Variants in HS6ST2 observed in about 807,000 individuals in gnomAD.
HS6ST2 encodes the protein heparan-sulfate 6-O-sulfotransferase 2.
A neutral mutation model predicts 33.0 loss-of-function variants in HS6ST2; 17 were observed. The ratio of observed to expected loss-of-function variants is 0.52; its 90% CI spans 0.35 to 0.77. HS6ST2 has a LOEUF of 0.77. Among genes scored for constraint, HS6ST2 ranks in the 30% least tolerant of loss-of-function variants. The pLI is 0.01. For missense variants in HS6ST2, 519 were observed against 551.7 expected (o/e 0.94, Z 0.59); for synonymous variants, 248 against 237.1 (o/e 1.05, Z -0.42).
intron 3 of HS6ST2, among the ~76,000 whole-genome samples, chrX:132,706,354 A>G (rs2064189132): frequency 8.9e-6 from 1 of 112,246 alleles, no homozygotes; most frequent in African/African-American, 3.2e-5. Context: ...TATAAAAATA[A>G]GTCTGGCTGT....
intron 2 of HS6ST2, among the ~76,000 whole-genome samples, chrX:132,933,315 G>A (rs1365915469): frequency 9.0e-6 from 1 of 111,001 alleles, no homozygotes; most frequent in Non-Finnish European, 1.9e-5. Flanking sequence ...GTGACAGAGC[G>A]AGATTCTGTC....
chrX:132,841,620 T>C (rs1030497192), intron 2 of HS6ST2, among the ~76,000 whole-genome samples: 2 of 111,562 alleles, frequency 1.8e-5, no homozygotes, highest in Non-Finnish European at 3.8e-5. Flanking sequence ...AGCTACCATA[T>C]AAAATGGGGA....
chrX:132,888,956 A>G (rs192756736), intron 2 of HS6ST2, among the ~76,000 whole-genome samples: 1 of 111,191 alleles, frequency 9.0e-6, no homozygotes, highest in Admixed American at 9.7e-5. Context: ...GGTATTCACA[A>G]GCAATCCCCT....
intron 2 of HS6ST2, among the ~76,000 whole-genome samples, chrX:132,725,602 G>A (rs2064384559): frequency 8.9e-6 from 1 of 112,049 alleles, no homozygotes; most frequent in Admixed American, 9.4e-5. Flanking sequence ...GAACAGTTTG[G>A]AGGTTCCTCA....
At chrX:132,848,234 G>GA (rs776190285) in intron 2 of HS6ST2, among the ~76,000 whole-genome samples, 8 of 111,678 alleles carry the variant, frequency 7.2e-5, no homozygotes, top group African/African-American at 1.9e-4. Flanking sequence ...CTGTTCCTTT[G>GA]AAAAAATATG....
At chrX:132,739,619 G>A (rs2064547237) in intron 2 of HS6ST2, among the ~76,000 whole-genome samples, 1 of 107,841 alleles carries the variant, frequency 9.3e-6, no homozygotes, top group African/African-American at 3.4e-5. Flanking sequence ...TGAGGCTGAG[G>A]CACGATAATT....
upstream of HS6ST2, among the ~76,000 whole-genome samples, chrX:132,960,540 T>G (rs2067135681): frequency 2.0e-5 from 2 of 97,818 alleles, no homozygotes; most frequent in African/African-American, 3.9e-5. Context: ...GTGCCTTGGG[T>G]GGAGGGAAGG....
At chrX:132,867,004 T>A (rs1227546918) in intron 2 of HS6ST2, among the ~76,000 whole-genome samples, 1 of 86,720 alleles carries the variant, frequency 1.2e-5, no homozygotes, top group Non-Finnish European at 2.2e-5. Flanking sequence ...TGGCCAGAAC[T>A]TCCAACACTA....
chrX:132,751,584 AC>A (rs2064708042), intron 2 of HS6ST2, among the ~76,000 whole-genome samples: 1 of 111,555 alleles, frequency 9.0e-6, no homozygotes, highest in Non-Finnish European at 1.9e-5. Flanking sequence ...TCTTCTGGAA[AC>A]CCTTTCTTGA....
At chrX:132,864,693 T>G (rs2065950924) in intron 2 of HS6ST2, among the ~76,000 whole-genome samples, 1 of 110,648 alleles carries the variant, frequency 9.0e-6, no homozygotes, top group African/African-American at 3.3e-5. Context: ...TTCAGGATAT[T>G]TTCCAGGAGA....
intron 4 of HS6ST2, among the ~76,000 whole-genome samples, chrX:132,654,044 T>C (rs1442685988): frequency 9.0e-6 from 1 of 111,508 alleles, no homozygotes; most frequent in East Asian, 2.8e-4. Context: ...GTTCTGGGAA[T>C]CTACTACACA....
chrX:132,756,060 C>G (rs1194853487), intron 2 of HS6ST2, among the ~76,000 whole-genome samples: 1 of 111,845 alleles, frequency 8.9e-6, no homozygotes, highest in Admixed American at 9.5e-5. Context: ...CCCAGCCCTC[C>G]AAAATCATGA....
At chrX:132,811,862 T>A (rs1218828757) in intron 2 of HS6ST2, among the ~76,000 whole-genome samples, 1 of 107,388 alleles carries the variant, frequency 9.3e-6, no homozygotes, top group Non-Finnish European at 1.9e-5. Flanking sequence ...TTAGTTATTT[T>A]AAAATGTACA....
chrX:132,726,795 CATA>C (rs958042107), intron 2 of HS6ST2, among the ~76,000 whole-genome samples: 4 of 111,798 alleles, frequency 3.6e-5, no homozygotes, highest in African/African-American at 1.3e-4. Context: ...TTTTCACTCA[CATA>C]ATGTTTTCAA....
intron 4 of HS6ST2, among the ~76,000 whole-genome samples, chrX:132,655,111 C>T (rs961678742): frequency 8.9e-6 from 1 of 112,211 alleles, no homozygotes; most frequent in African/African-American, 3.2e-5. Flanking sequence ...CTTCTCTCCT[C>T]CTTCTTTCAC....
At chrX:132,800,947 C>T (rs371991646) in intron 2 of HS6ST2, among the ~76,000 whole-genome samples, 2 of 111,736 alleles carry the variant, frequency 1.8e-5, no homozygotes, top group African/African-American at 3.2e-5. Context: ...CCATGTAAGA[C>T]GTTCCTGCTT....
At chrX:132,670,463 A>T (rs948955066) in intron 3 of HS6ST2, among the ~76,000 whole-genome samples, 2 of 110,922 alleles carry the variant, frequency 1.8e-5, no homozygotes, top group African/African-American at 6.6e-5. Flanking sequence ...AAAAAGGCTG[A>T]TCAGGAAAAG....
At chrX:132,679,335 G>C (rs2148216540) in intron 3 of HS6ST2, among the ~76,000 whole-genome samples, 1 of 111,943 alleles carries the variant, frequency 8.9e-6, no homozygotes, top group Non-Finnish European at 1.9e-5. Context: ...ACAAAAGAGA[G>C]ACATTTTAAG....
At chrX:132,888,679 T>C (rs1391891597) in intron 2 of HS6ST2, among the ~76,000 whole-genome samples, 1 of 111,481 alleles carries the variant, frequency 9.0e-6, no homozygotes, top group Non-Finnish European at 1.9e-5. Flanking sequence ...AATTTTTCTA[T>C]TTTTTGTAGA....
Sources: gnomAD v4.1 joint callset for allele counts (sites outside exome capture counted in the v4.1 genomes callset) on GRCh38, gnomAD v4.1.1 for gene constraint, MANE v1.5 for transcripts, NCBI Gene and HGNC (gene_info 2026-07-23, HGNC 2026-07-21) for gene names.